MTMR1: variants seen among roughly 807,000 people sequenced by gnomAD.
MTMR1 encodes the protein phosphatidylinositol-3-phosphate phosphatase MTMR1.
Under a neutral mutation model 51.6 loss-of-function variants are expected in MTMR1, and 17 were observed. The observed-to-expected ratio is 0.33, with a 90% CI of 0.23 to 0.49. The LOEUF (loss-of-function observed/expected upper bound fraction) is 0.49. MTMR1 is among the 20% of genes least tolerant of loss of function. The pLI is 0.99. For synonymous variants in MTMR1, 201 were observed against 205.6 expected (o/e 0.98, Z 0.19); for missense variants, 386 against 526.9 (o/e 0.73, Z 2.62).
Position 150,750,289 on chromosome X carries a change from G to A in MTMR1, c.1567-441G>A, listed in dbSNP as rs2042690012. 3.6e-5 allele frequency among the ~76,000 whole-genome samples: 4 copies of A among 112,057 alleles called. No homozygotes were observed. The South Asian group carries it at 1.5e-3, about 41-fold the overall frequency. On this transcript the variant is annotated intron_variant, in intron 13 of 15. Transcript: ENST00000445323. ...TGGATGTACTGCTCCCCTTACCCCC[G>A]ACCTGGGATGTGGCTGCAGCGGGGA...
chrX:150,730,588 G>T lies in MTMR1; in HGVS notation c.721G>T (p.Val241Leu). 1 of 1,137,660 alleles carries T rather than the reference G, an allele frequency of 8.8e-7. No homozygotes were observed. The highest frequency in any genetic ancestry group is 1.2e-6 in the Non-Finnish European group (1 of 843,146). The allele number at this position is 1,137,660 out of a possible 1,213,427, so 93.8% of individuals were successfully genotyped here. ...TAATGGCTGGAAAGTTTATGATCCAGTATCTGAATATAAGAGACAGGTAAA... is the reference window on the plus strand; with the variant it reads ...TAATGGCTGGAAAGTTTATGATCCATTATCTGAATATAAGAGACAGGTAAA... The part of the protein sequence containing the change: ...PINGWKVYDP[V>L]SEYKRQGLPN... The change falls in exon 8 of 16, where the codon GTA becomes TTA. Residue 241 changes from valine (V) to leucine (L), a missense_variant. Physicochemically the swap from Val to Leu is conservative, Grantham distance 32. Transcript: ENST00000445323.
At chrX:150,729,032 C>T (rs782623839) in intron 6 of MTMR1, among the ~76,000 whole-genome samples, 13 of 110,238 alleles carry the variant, frequency 1.2e-4, no homozygotes, top group Middle Eastern at 4.6e-3. Context: ...TGAAACATGT[C>T]GTCCCCTTTC....
chrX:150,737,161 C>T (rs782037791), intron 11 of MTMR1, 81 bp from the exon 12 acceptor site: 23 of 972,048 alleles, frequency 2.4e-5, no homozygotes, highest in Non-Finnish European at 3.3e-5. Flanking sequence ...TTCCAAAGCT[C>T]TCCCCAGAAT....
At chrX:150,742,588 G>A (rs1013730990) in intron 12 of MTMR1, among the ~76,000 whole-genome samples, 3 of 110,387 alleles carry the variant, frequency 2.7e-5, no homozygotes, top group African/African-American at 6.6e-5. Flanking sequence ...AGGCCGAGGC[G>A]GGCGGATCAC....
In MTMR1 at chrX:150,755,623, G is replaced by A. The variant is rs781854369; in HGVS notation, c.1681-66G>A. The A allele has an allele frequency of 2.1e-5, 18 of 847,631 alleles. 1 individual carries two copies. The highest frequency in any genetic ancestry group is 1.2e-4 in the Admixed American group (3 of 24,648). 69.9% of individuals were successfully genotyped at this position (847,631 alleles called of 1,213,427 possible). The stretch of plus-strand genomic sequence containing the variant: ...ACTTCATTATTCAAGTCCTTTTCTC[G>A]GTGTAATACTAATTCTTGATGATAT... On this transcript the variant is annotated intron_variant, in intron 14 of 15. Coordinates refer to ENST00000445323, the MANE Select transcript of MTMR1 (RefSeq NM_001306144.3).
chrX:150,721,838 G>C (rs2041761297), intron 4 of MTMR1, among the ~76,000 whole-genome samples: 1 of 111,239 alleles, frequency 9.0e-6, no homozygotes, highest in Admixed American at 9.6e-5. Context: ...TTTTGAGGTG[G>C]AAACTGTGGT....
intron 2 of MTMR1, among the ~76,000 whole-genome samples, chrX:150,704,958 A>G (rs2041042850): frequency 9.0e-6 from 1 of 111,162 alleles, no homozygotes; most frequent in South Asian, 3.8e-4. Context: ...TCCTCATAAA[A>G]TTGCTTCAAT....
intron 3 of MTMR1, among the ~76,000 whole-genome samples, chrX:150,715,306 G>A (rs1282940888): frequency 8.9e-6 from 1 of 112,097 alleles, no homozygotes; most frequent in Non-Finnish European, 1.9e-5. Context: ...GGGTGGGCTG[G>A]AGCCCTCAGG....
chrX:150,727,230 A>G lies in MTMR1; in HGVS notation c.368A>G (p.Tyr123Cys). The G allele has an allele frequency of 8.3e-7, 1 of 1,205,381 alleles. No individual in the cohort carries two copies. The highest frequency in any genetic ancestry group is 1.8e-5 in the South Asian group (1 of 56,125). Residue 123 changes from tyrosine (Y) to cysteine (C), a missense_variant, in exon 5 of 16, where the codon TAT becomes TGT. Tyr to Cys is a radical substitution (Grantham distance 194). Transcript: ENST00000445323. ...SIKAIVKDVM[Y>C]ICPFMGAVSG... ...TTTCTTTCAGTGAAAGATGTCATGTATATCTGCCCATTTATGGGAGCAGTG... is the reference window on the plus strand; with the variant it reads ...TTTCTTTCAGTGAAAGATGTCATGTGTATCTGCCCATTTATGGGAGCAGTG...
chrX:150,696,544 A>T (rs782691034), intron 1 of MTMR1, among the ~76,000 whole-genome samples: 1 of 111,693 alleles, frequency 9.0e-6, no homozygotes, highest in African/African-American at 3.3e-5. Context: ...GTGTAACTAC[A>T]TTGGCCAGGA....
chrX:150,755,685 TCAGG>T lies in MTMR1; in HGVS notation c.1681-3_1681del. 1 of 1,158,970 alleles carries T rather than the reference TCAGG, an allele frequency of 8.6e-7. No individual in the cohort carries two copies. Among genetic ancestry groups the T allele is most frequent in the Admixed American group, 3.0e-5 (1 of 33,560 alleles). Reference sequence around the variant, plus strand: ...TATTTCCAATGTTCTTTTTTGTTTTTCAGGATGTATATACAAAGACGATATCTTT... The same window carrying T: ...TATTTCCAATGTTCTTTTTTGTTTTTATGTATATACAAAGACGATATCTTT... On this transcript the variant is annotated splice_acceptor_variant and splice_polypyrimidine_tract_variant and coding_sequence_variant and intron_variant, in exon 15 of 16. Transcript: ENST00000445323. LOFTEE classifies it high-confidence loss of function.
intron 1 of MTMR1, among the ~76,000 whole-genome samples, chrX:150,698,676 G>GCACACACACACACACA (rs1170788477): frequency 3.8e-5 from 2 of 53,079 alleles, no homozygotes; most frequent in African/African-American, 1.5e-4. Flanking sequence ...GTCTACACGC[G>GCACACACACACACACA]CGCGCACACA....
intron 12 of MTMR1, among the ~76,000 whole-genome samples, chrX:150,739,807 A>G (rs1297174408): frequency 8.9e-6 from 1 of 112,338 alleles, no homozygotes; most frequent in African/African-American, 3.2e-5. Context: ...TCATTCACAG[A>G]TGGGGAAATT....
At chrX:150,743,268 G>C (rs987782950) in intron 12 of MTMR1, among the ~76,000 whole-genome samples, 6 of 110,702 alleles carry the variant, frequency 5.4e-5, no homozygotes, top group Non-Finnish European at 1.1e-4. Context: ...GAGCATGATG[G>C]CTCACACCTA....
At chrX:150,710,434 C>T (rs1043463874) in intron 2 of MTMR1, among the ~76,000 whole-genome samples, 2 of 109,157 alleles carry the variant, frequency 1.8e-5, no homozygotes, top group Non-Finnish European at 3.8e-5. Flanking sequence ...GATCTCGGCT[C>T]ACTGCAACCT....
At chrX:150,727,028 T>C (rs2041960897) in intron 4 of MTMR1, 187 bp from the exon 5 acceptor site, 1 of 296,591 alleles carries the variant, frequency 3.4e-6, no homozygotes, top group East Asian at 5.0e-5. Context: ...AATTTTGTTT[T>C]AAAAAATTGA....
intron 4 of MTMR1, among the ~76,000 whole-genome samples, chrX:150,726,348 G>A (rs1203027783): frequency 9.0e-6 from 1 of 111,520 alleles, no homozygotes; most frequent in Non-Finnish European, 1.9e-5. Context: ...CCCTGGTGCC[G>A]AAAAGGTTGG....
At chrX:150,736,453 C>G in intron 10 of MTMR1, 142 bp from the exon 11 acceptor site, 2 of 492,417 alleles carry the variant, frequency 4.1e-6, no homozygotes, top group Non-Finnish European at 6.5e-6. Flanking sequence ...TTTCCAGCAG[C>G]CCTAGGAAAC....
rs782595900 is a variant in MTMR1 at position 150,716,976 on chromosome X, C to A, written c.277-1649C>A. On this transcript the variant is annotated intron_variant, in intron 3 of 15. Transcript: ENST00000445323. ...GATGTTAACAGGTGGAAAAAGCAGT[C>A]CCGATCAAATAGGTATGAGGAATGC... 5.4e-5 allele frequency among the ~76,000 whole-genome samples: 6 copies of A among 111,821 alleles called. No homozygotes were observed. The South Asian group carries it at 2.2e-3, about 42-fold the overall frequency.
Sources: allele counts gnomAD v4.1 joint callset (sites outside exome capture counted in the v4.1 genomes callset), GRCh38; gene constraint gnomAD v4.1.1; transcripts MANE v1.5; gene names NCBI Gene and HGNC (gene_info 2026-07-23, HGNC 2026-07-21).